RBFOX3: variants seen among roughly 807,000 people sequenced by gnomAD.
RBFOX3 encodes the protein RNA binding fox-1 homolog 3.
RBFOX3 carries 17 observed loss-of-function variants against 48.7 expected under a neutral mutation model. That is an observed-to-expected ratio of 0.35 (90% CI 0.24 to 0.52). The LOEUF is 0.52. Among genes scored for constraint, RBFOX3 ranks in the 20% least tolerant of loss-of-function variants. The pLI is 0.94. For synonymous variants in RBFOX3, 212 were observed against 209.5 expected, an observed-to-expected ratio of 1.01 and a Z score of -0.10; for missense variants, 382 against 497.5, an observed-to-expected ratio of 0.77 and a Z score of 2.21.
At chr17:79,514,061 T>C (rs1256286032) in intron 1 of RBFOX3, among the ~76,000 whole-genome samples, 2 of 152,192 alleles carry the variant, frequency 1.3e-5, no homozygotes, top group Non-Finnish European at 2.9e-5. Context: ...ATCGGTGTAC[T>C]TTCCTGGTAT....
chr17:79,362,286 C>T lies in RBFOX3; in HGVS notation c.-174-54462G>A, dbSNP rs1486965237. ...TTGGGAAAATGCATCTGTCTCCCTG[C>T]GTTTCTCTGAAGCCAGAATCCCGGC... On this transcript the variant is annotated intron_variant, in intron 2 of 14. Transcript: ENST00000693108. This position sits in a 1 kb window ranked among gnomAD's most constrained non-coding sequence, Gnocchi z 4.2. Among the ~76,000 whole-genome samples, 1 of 152,246 alleles carries T rather than the reference C, an allele frequency of 6.6e-6. No homozygotes were observed. The highest frequency in any genetic ancestry group is 1.5e-5 in the Non-Finnish European group (1 of 68,050).
intron 3 of RBFOX3, among the ~76,000 whole-genome samples, chr17:79,267,551 C>T (rs1600308731): frequency 1.3e-5 from 2 of 152,210 alleles, no homozygotes; most frequent in South Asian, 2.1e-4. Flanking sequence ...CCACCATGCC[C>T]GGCTAATTTT....
At chr17:79,478,219 C>T (rs1028940431) in intron 2 of RBFOX3, among the ~76,000 whole-genome samples, 28 of 152,126 alleles carry the variant, frequency 1.8e-4, no homozygotes, top group Non-Finnish European at 3.7e-4. Context: ...AAGAGACGGG[C>T]GTGATGGATG....
At chr17:79,297,073 C>G (rs35110805) in intron 3 of RBFOX3, among the ~76,000 whole-genome samples, 82,595 of 150,650 alleles carry the variant, frequency 0.55, 22,868 homozygotes, top group Middle Eastern at 0.68. Flanking sequence ...GTGTCTTGCT[C>G]TGTGTGCGTT....
intron 1 of RBFOX3, among the ~76,000 whole-genome samples, chr17:79,521,537 C>G (rs2086101292): frequency 6.6e-6 from 1 of 151,992 alleles, no homozygotes. Flanking sequence ...CATTGACAGA[C>G]ACACATTCAC....
At chr17:79,411,869 A>C (rs1401682325) in intron 2 of RBFOX3, among the ~76,000 whole-genome samples, 1 of 152,214 alleles carries the variant, frequency 6.6e-6, no homozygotes, top group Non-Finnish European at 1.5e-5. Context: ...AAAATATGGA[A>C]CAATGTGTGT....
intron 2 of RBFOX3, among the ~76,000 whole-genome samples, chr17:79,335,869 C>A (rs1368444797): frequency 1.3e-5 from 2 of 152,252 alleles, no homozygotes; most frequent in African/African-American, 4.8e-5. Context: ...GCCATCTTAG[C>A]TTTTCCTGTT....
intron 2 of RBFOX3, among the ~76,000 whole-genome samples, chr17:79,441,971 C>T (rs369862396): frequency 2.0e-5 from 3 of 152,030 alleles, no homozygotes; most frequent in Non-Finnish European, 2.9e-5. Context: ...CTTGGAAATC[C>T]TCCTCAGGTC....
At position 79,535,516 on chromosome 17, in the gene RBFOX3, G is replaced by T. The variant is rs1341902910; in HGVS notation, c.-319-52918C>A. Among the ~76,000 whole-genome samples the T allele has an allele frequency of 6.6e-6, 1 of 152,116 alleles. No homozygotes were observed. Among genetic ancestry groups the T allele is most frequent in the Non-Finnish European group, 1.5e-5 (1 of 68,026 alleles). On this transcript the variant is annotated intron_variant, in intron 1 of 14. Transcript: ENST00000693108. This position sits in a 1 kb window ranked among gnomAD's most constrained non-coding sequence, Gnocchi z 4.5. ...GTTACCCAAGTGAGTCACCCCAAAC[G>T]AATGAGGCCCTCAGATGATCCACAG...
intron 3 of RBFOX3, among the ~76,000 whole-genome samples, chr17:79,302,184 G>A (rs138959452): frequency 7.1e-4 from 108 of 152,256 alleles, no homozygotes; most frequent in African/African-American, 2.3e-3. Flanking sequence ...ACTGCATGCC[G>A]GGCACTGTGC....
At chr17:79,094,563 G>T in intron 13 of RBFOX3, 34 bp from the exon 14 acceptor site, 2 of 520,426 alleles carry the variant, frequency 3.8e-6, no homozygotes, top group Non-Finnish European at 2.9e-6. Context: ...AGTGGGAGGA[G>T]GGTGGGGGAG....
chr17:79,463,201 C>T (rs868967490), intron 2 of RBFOX3, among the ~76,000 whole-genome samples: 5 of 147,676 alleles, frequency 3.4e-5, no homozygotes, highest in Middle Eastern at 3.6e-3. Flanking sequence ...CCACCGCCAT[C>T]GCCACTGCCA....
intron 4 of RBFOX3, among the ~76,000 whole-genome samples, chr17:79,177,165 C>A (rs950893124): frequency 6.6e-6 from 1 of 152,026 alleles, no homozygotes; most frequent in African/African-American, 2.4e-5. Flanking sequence ...GGGTTGCAAG[C>A]ACCTCCCCAG....
Position 79,210,948 on chromosome 17 carries a change from G to C in RBFOX3, c.-34+24818C>G, listed in dbSNP as rs1402378016. 2.0e-5 allele frequency among the ~76,000 whole-genome samples: 3 copies of C among 152,256 alleles called. No homozygotes were observed. The East Asian group carries it at 5.8e-4, about 29-fold the overall frequency. ...GGTATCCCCAGTGTCCTGCACAGGT[G>C]TCCGCATATAGTTCTTGTCCCATAC... On this transcript the variant is annotated intron_variant, in intron 4 of 14. Transcript: ENST00000693108.
rs555586182 is a variant in RBFOX3 at position 79,204,282 on chromosome 17, A to T, written c.-34+31484T>A. ...GGATACACACCAGTGGACGCCGGGG[A>T]GCGGACACACACCAGCGGGCGCCGG... On this transcript the variant is annotated intron_variant, in intron 4 of 14. Transcript: ENST00000693108. The surrounding 1 kb of genome is among the most constrained non-coding windows in gnomAD (Gnocchi z 4.5). 6.6e-6 allele frequency among the ~76,000 whole-genome samples: 1 copy of T among 152,166 alleles called. No homozygotes were observed. Among genetic ancestry groups the T allele is most frequent in the Admixed American group, 6.5e-5 (1 of 15,298 alleles).
intron 3 of RBFOX3, among the ~76,000 whole-genome samples, chr17:79,284,791 C>T (rs545208285): frequency 1.3e-5 from 2 of 152,238 alleles, no homozygotes; most frequent in South Asian, 2.1e-4. Flanking sequence ...CCACCCACCT[C>T]GGCCTCCCAA....
chr17:79,573,289 G>A (rs1472758331), intron 1 of RBFOX3, among the ~76,000 whole-genome samples: 1 of 152,232 alleles, frequency 6.6e-6, no homozygotes, highest in African/African-American at 2.4e-5. Flanking sequence ...GGGAACAAAG[G>A]CAGAGGGAGC....
intron 1 of RBFOX3, among the ~76,000 whole-genome samples, chr17:79,551,035 A>G (rs896458096): frequency 0.84 from 127,778 of 152,216 alleles, 55,218 homozygotes; most frequent in Non-Finnish European, 0.94. Context: ...CTTGAAATGT[A>G]ACTAGTATAT....
chr17:79,647,011 A>T, the RBFOX3 span, among the ~76,000 whole-genome samples: 1 of 151,190 alleles, frequency 6.6e-6, no homozygotes. Context: ...GGACAGGCCA[A>T]CCCCACCTCT....
Sources: gnomAD v4.1 joint callset for allele counts (sites outside exome capture counted in the v4.1 genomes callset) on GRCh38, gnomAD v4.1.1 for gene constraint, Gnocchi (gnomAD v3.1) non-coding constraint, MANE v1.5 for transcripts, NCBI Gene and HGNC (gene_info 2026-07-23, HGNC 2026-07-21) for gene names.